LRRC4C: variants seen among roughly 807,000 people sequenced by gnomAD.
The protein encoded by LRRC4C is leucine-rich repeat-containing protein 4C.
LRRC4C carries 5 observed loss-of-function variants against 33.6 expected under a neutral mutation model. The observed-to-expected ratio is 0.15, with a 90% CI of 0.08 to 0.31. The LOEUF (loss-of-function observed/expected upper bound fraction) is 0.31, where lower values mean the gene tolerates loss of function less well. Ranked by LOEUF, LRRC4C falls within the 10% of genes least tolerant of loss-of-function variation. The pLI is 1.00. For missense variants in LRRC4C, 560 were observed against 796.7 expected (o/e 0.70, Z 3.58); for synonymous variants, 329 against 302.0 (o/e 1.09, Z -0.93).
chr11:41,324,534 A>C lies in LRRC4C; in HGVS notation c.-496+134897T>G, dbSNP rs192172134. Among the ~76,000 whole-genome samples the C allele has an allele frequency of 2.1e-3, 317 of 152,324 alleles. 1 individual carries two copies. The highest frequency in any genetic ancestry group is 3.6e-3 in the Non-Finnish European group (248 of 68,034). On this transcript the variant is annotated intron_variant, in intron 1 of 6. Coordinates refer to ENST00000528697, the MANE Select transcript of LRRC4C (RefSeq NM_001258419.2). ...GGTATTATAGTGATAATAATCCTTCAGCGAATTTTTGTAAGGTTTGAATGA... is the reference window on the plus strand; with the variant it reads ...GGTATTATAGTGATAATAATCCTTCCGCGAATTTTTGTAAGGTTTGAATGA...
At chr11:40,189,927 G>T (rs1014287803) in intron 5 of LRRC4C, among the ~76,000 whole-genome samples, 1 of 152,096 alleles carries the variant, frequency 6.6e-6, no homozygotes, top group Admixed American at 6.6e-5. Context: ...TGTTCTACCT[G>T]GGAACTGCCT....
chr11:40,268,265 T>C (rs946768629), intron 4 of LRRC4C, among the ~76,000 whole-genome samples: 4 of 152,178 alleles, frequency 2.6e-5, no homozygotes, highest in African/African-American at 9.7e-5. Context: ...TTTTTTAATA[T>C]GAGAAACTAC....
At position 40,871,488 on chromosome 11, in the gene LRRC4C, G is replaced by T. The variant is rs181073181; in HGVS notation, c.-407+62147C>A. Among the ~76,000 whole-genome samples, 420 of 152,202 alleles carry T rather than the reference G, an allele frequency of 2.8e-3. 3 individuals carry two copies. Among genetic ancestry groups the T allele is most frequent in the South Asian group, 6.2e-3 (30 of 4,824 alleles). ...GCTGACACTTAGGGAAAATAGAAAA[G>T]AACCTACGTGACTATTGTGGGCAGG... is the stretch of plus-strand genomic sequence containing the variant. On this transcript the variant is annotated intron_variant, in intron 2 of 6. Coordinates refer to ENST00000528697, the MANE Select transcript of LRRC4C (RefSeq NM_001258419.2).
At chr11:41,222,572 T>C (rs1390056815) in intron 1 of LRRC4C, among the ~76,000 whole-genome samples, 1 of 152,118 alleles carries the variant, frequency 6.6e-6, no homozygotes, top group South Asian at 2.1e-4. Flanking sequence ...AGCTCTCTGT[T>C]ATAAATGCTG....
intron 1 of LRRC4C, among the ~76,000 whole-genome samples, chr11:41,084,589 C>T (rs1939816575): frequency 6.6e-6 from 1 of 152,142 alleles, no homozygotes; most frequent in Admixed American, 6.6e-5. Context: ...TGGCTCACGC[C>T]TGTAATCACA....
chr11:40,733,661 C>T (rs1462992010), intron 2 of LRRC4C, among the ~76,000 whole-genome samples: 1 of 152,174 alleles, frequency 6.6e-6, no homozygotes, highest in Non-Finnish European at 1.5e-5. Context: ...TTACGCTAGA[C>T]TTTATGAATC....
At chr11:40,702,872 C>T (rs1017500568) in intron 2 of LRRC4C, among the ~76,000 whole-genome samples, 2 of 152,196 alleles carry the variant, frequency 1.3e-5, no homozygotes, top group African/African-American at 4.8e-5. Context: ...CCTTCATCCC[C>T]CTGTGTGAAA....
At chr11:41,456,432 T>TA (rs1449179474) in intron 1 of LRRC4C, among the ~76,000 whole-genome samples, 1 of 152,042 alleles carries the variant, frequency 6.6e-6, no homozygotes, top group African/African-American at 2.4e-5. Context: ...CCCTGTTTGT[T>TA]ACAGAGGGAA....
rs375460658 is a variant in LRRC4C at position 41,286,094 on chromosome 11, G to A, written c.-496+173337C>T. ...TTCACCCACCTAGGCCTCCCAAAGT[G>A]CTGGGATTACAGGCGTGAGCCACCA... On this transcript the variant is annotated intron_variant, in intron 1 of 6. Transcript: ENST00000528697. 2.6e-5 allele frequency among the ~76,000 whole-genome samples: 4 copies of A among 152,142 alleles called. No homozygotes were observed. In the East Asian group the frequency reaches 7.7e-4, roughly 29 times the overall value.
At chr11:41,070,683 A>T (rs1442474676) in intron 1 of LRRC4C, among the ~76,000 whole-genome samples, 1 of 152,202 alleles carries the variant, frequency 6.6e-6, no homozygotes, top group Non-Finnish European at 1.5e-5. Context: ...ATCACTGATC[A>T]TTAGAGAAAT....
rs1948402154 is a variant in LRRC4C, at chr11:41,245,184, C to A, written c.-496+214247G>T. Among the ~76,000 whole-genome samples, 3 of 152,180 alleles carry A rather than the reference C, an allele frequency of 2.0e-5. No individual in the cohort carries two copies. The South Asian group carries it at 6.2e-4, about 32-fold the overall frequency. On this transcript the variant is annotated intron_variant, in intron 1 of 6. Transcript: ENST00000528697. ...TAGCTAAAATATATTGTCACAGGAT[C>A]CTTGGGGTGTCACTTTCTGGCCAGA...
chr11:40,309,917 A>C (rs1945220002), intron 4 of LRRC4C, among the ~76,000 whole-genome samples: 1 of 152,184 alleles, frequency 6.6e-6, no homozygotes, highest in African/African-American at 2.4e-5. Flanking sequence ...CTGTGGAAGC[A>C]TGCCAGAGGC....
chr11:41,202,666 G>A (rs1452671422), intron 1 of LRRC4C, among the ~76,000 whole-genome samples: 1 of 152,020 alleles, frequency 6.6e-6, no homozygotes, highest in African/African-American at 2.4e-5. Context: ...AATGCTTTTG[G>A]AATGAGCCTC....
intron 3 of LRRC4C, among the ~76,000 whole-genome samples, chr11:40,459,868 T>C (rs1565410505): frequency 6.6e-6 from 1 of 152,150 alleles, no homozygotes; most frequent in Non-Finnish European, 1.5e-5. Flanking sequence ...CCCTCAAGTT[T>C]TGCTAGGTGA....
At chr11:40,735,137 CT>C (rs1198408851) in intron 2 of LRRC4C, among the ~76,000 whole-genome samples, 1 of 152,016 alleles carries the variant, frequency 6.6e-6, no homozygotes, top group Admixed American at 6.6e-5. Context: ...TAATTAGCTT[CT>C]CTTTTTCGTT....
chr11:40,477,768 T>C (rs1047689413), intron 3 of LRRC4C, among the ~76,000 whole-genome samples: 1 of 152,102 alleles, frequency 6.6e-6, no homozygotes, highest in East Asian at 1.9e-4. Flanking sequence ...TTTTGGAAAA[T>C]ATCTGGGGAA....
intron 1 of LRRC4C, among the ~76,000 whole-genome samples, chr11:41,020,713 T>C (rs1049678977): frequency 6.6e-6 from 1 of 152,190 alleles, no homozygotes; most frequent in Non-Finnish European, 1.5e-5. Flanking sequence ...TGTAAGGTAC[T>C]TTGTTTAAAA....
rs543719159 is a variant in LRRC4C, at chr11:40,983,429, C to T, written c.-495-49706G>A. Reference sequence around the variant, plus strand: ...TATAAACTTTGGAAGACAACCTAGGCAATACCAGTCAGGACACAGGCATGG... The same window carrying T: ...TATAAACTTTGGAAGACAACCTAGGTAATACCAGTCAGGACACAGGCATGG... On this transcript the variant is annotated intron_variant, in intron 1 of 6. Transcript: ENST00000528697. Among the ~76,000 whole-genome samples, 10 of 152,252 alleles carry T rather than the reference C, an allele frequency of 6.6e-5. No individual in the cohort carries two copies. In the South Asian group the frequency reaches 2.1e-3, roughly 32 times the overall value.
At position 40,757,314 on chromosome 11, in the gene LRRC4C, G is replaced by A. The variant is rs961389646; in HGVS notation, c.-406-109036C>T. 3.3e-5 allele frequency among the ~76,000 whole-genome samples: 5 copies of A among 152,024 alleles called. 1 individual carries two copies. Among genetic ancestry groups the A allele is most frequent in the Non-Finnish European group, 7.4e-5 (5 of 67,972 alleles). On this transcript the variant is annotated intron_variant, in intron 2 of 6. Transcript: ENST00000528697. Reference sequence around the variant, plus strand: ...TAGGAATTAGGATGGGCATCTTGTAGATGGCCTATGTTATATTATCCTTAT... The same window carrying A: ...TAGGAATTAGGATGGGCATCTTGTAAATGGCCTATGTTATATTATCCTTAT...
Sources: allele counts gnomAD v4.1 joint callset (sites outside exome capture counted in the v4.1 genomes callset), GRCh38; gene constraint gnomAD v4.1.1; transcripts MANE v1.5; gene names NCBI Gene and HGNC (gene_info 2026-07-23, HGNC 2026-07-21).